QTGAL: variants seen among roughly 807,000 people sequenced by gnomAD.
QTGAL encodes the protein queuosine-tRNA galactosyltransferase.
chr17:82,961,247 A>G, the QTGAL span: 3 of 1,554,348 alleles, frequency 1.9e-6, no homozygotes, highest in South Asian at 1.2e-5. Flanking sequence ...CCGGATGCAC[A>G]CTACACCTGC....
the QTGAL span, among the ~76,000 whole-genome samples, chr17:82,974,917 C>G: frequency 0.3 from 36,225 of 121,298 alleles, 4,535 homozygotes; most frequent in African/African-American, 0.38. Flanking sequence ...TATGGGGAAC[C>G]AGGGCCCCAG....
At chr17:82,992,914 A>G in the QTGAL span, among the ~76,000 whole-genome samples, 1 of 152,164 alleles carries the variant, frequency 6.6e-6, no homozygotes, top group Admixed American at 6.5e-5. Context: ...ATAATGGGTA[A>G]TAAGATAATA....
the QTGAL span, among the ~76,000 whole-genome samples, chr17:83,016,075 C>T: frequency 4.6e-5 from 7 of 152,028 alleles, no homozygotes; most frequent in Non-Finnish European, 7.3e-5. Context: ...ATTTATTGAT[C>T]GAGTGGTAGC....
At chr17:83,051,334 G>A in the QTGAL span, among the ~76,000 whole-genome samples, 5 of 151,664 alleles carry the variant, frequency 3.3e-5, no homozygotes, top group Non-Finnish European at 5.9e-5. Flanking sequence ...GCGCGGGGAA[G>A]GAGCGCGGGG....
chr17:82,986,084 G>A, the QTGAL span, among the ~76,000 whole-genome samples: 7 of 152,218 alleles, frequency 4.6e-5, no homozygotes, highest in South Asian at 2.1e-4. Flanking sequence ...AGCTCAGGGC[G>A]AGGGACTCTG....
the QTGAL span, chr17:82,981,861 A>C: frequency 1.3e-5 from 2 of 152,300 alleles, no homozygotes; most frequent in South Asian, 4.1e-4. Context: ...TTTGTGTATT[A>C]TATACCGTAT....
At chr17:83,040,503 G>C in the QTGAL span, among the ~76,000 whole-genome samples, 30,872 of 152,056 alleles carry the variant, frequency 0.2, 3,294 homozygotes, top group Non-Finnish European at 0.24. Flanking sequence ...CCTGAACACA[G>C]CTTGACCCAG....
At chr17:83,039,526 C>A in the QTGAL span, among the ~76,000 whole-genome samples, 4 of 119,346 alleles carry the variant, frequency 3.4e-5, no homozygotes, top group African/African-American at 1.4e-4. Context: ...CGCCGCCCGC[C>A]CCTGTTCTAG....
chr17:83,011,591 A>G, the QTGAL span: 1 of 152,220 alleles, frequency 6.6e-6, no homozygotes, highest in Admixed American at 6.5e-5. Context: ...TGTTTTAGTG[A>G]AACAAAACTG....
the QTGAL span, among the ~76,000 whole-genome samples, chr17:83,037,769 T>C: frequency 0.27 from 40,761 of 152,212 alleles, 5,898 homozygotes; most frequent in African/African-American, 0.37. The surrounding 1 kb of genome is among the most constrained non-coding windows in gnomAD (Gnocchi z 5.2). Flanking sequence ...TCCGTGAGCC[T>C]GGGTAACGAA....
chr17:83,019,536 C>T, the QTGAL span, among the ~76,000 whole-genome samples: 14 of 152,156 alleles, frequency 9.2e-5, no homozygotes, highest in African/African-American at 2.9e-4. Context: ...GAGGCTGGGG[C>T]GGGCAATGGG....
chr17:82,973,968 C>T, the QTGAL span, among the ~76,000 whole-genome samples: 1 of 152,162 alleles, frequency 6.6e-6, no homozygotes, highest in East Asian at 1.9e-4. Context: ...CTGCCACTGA[C>T]CAGCAAGCAG....
the QTGAL span, among the ~76,000 whole-genome samples, chr17:83,002,139 T>G: frequency 1.3e-5 from 2 of 152,096 alleles, no homozygotes; most frequent in Non-Finnish European, 2.9e-5. Flanking sequence ...AGTATGTAAC[T>G]GATAAAAGAA....
chr17:83,014,059 G>C, the QTGAL span, among the ~76,000 whole-genome samples: 6 of 152,162 alleles, frequency 3.9e-5, no homozygotes, highest in Admixed American at 3.9e-4. Context: ...CAGGAAGCCT[G>C]GCTTTGGAGG....
chr17:83,027,699 CAAAAA>C, the QTGAL span, among the ~76,000 whole-genome samples: 5 of 31,518 alleles, frequency 1.6e-4, no homozygotes, highest in African/African-American at 4.9e-4. Context: ...GAGACGCTCT[CAAAAA>C]AAAAAAAAAA....
At chr17:83,005,897 T>C in the QTGAL span, 15 of 1,362,704 alleles carry the variant, frequency 1.1e-5, no homozygotes, top group Non-Finnish European at 1.4e-5. This position sits in a 1 kb window ranked among gnomAD's most constrained non-coding sequence, Gnocchi z 5.6. Context: ...TGCCCCGGAG[T>C]GGGCTCCCAG....
chr17:83,026,348 T>C, the QTGAL span, among the ~76,000 whole-genome samples: 2 of 152,152 alleles, frequency 1.3e-5, no homozygotes, highest in Admixed American at 1.3e-4. Context: ...GCACCATTCC[T>C]CAAAGCAAAA....
At chr17:83,048,542 C>T in the QTGAL span, 11 of 1,613,996 alleles carry the variant, frequency 6.8e-6, no homozygotes, top group East Asian at 2.2e-4. Flanking sequence ...CTTCACTCTC[C>T]ATTTTTCAAT....
chr17:82,972,997 C>T, the QTGAL span, among the ~76,000 whole-genome samples: 37 of 152,314 alleles, frequency 2.4e-4, 1 homozygote, highest in Admixed American at 1.7e-3. Flanking sequence ...AACGCTTCCC[C>T]GAAGGAGGGG....
Sources: allele counts gnomAD v4.1 joint callset (sites outside exome capture counted in the v4.1 genomes callset), GRCh38; gene constraint gnomAD v4.1.1; non-coding constraint Gnocchi (gnomAD v3.1); transcripts MANE v1.5; gene names NCBI Gene and HGNC (gene_info 2026-07-23, HGNC 2026-07-21).